OTOGL: variants seen among roughly 807,000 people sequenced by gnomAD.
The protein encoded by OTOGL is otogelin-like protein.
Under a neutral mutation model 318.5 loss-of-function variants are expected in OTOGL, and 285 were observed. The ratio of observed to expected loss-of-function variants is 0.89; its 90% CI spans 0.81 to 0.99. OTOGL has a LOEUF of 0.99. Among genes scored for constraint, OTOGL ranks in the 50% least tolerant of loss-of-function variants. The pLI is 0.00. For synonymous variants in OTOGL, 987 were observed against 936.5 expected, an observed-to-expected ratio of 1.05 and a Z score of -0.99; for missense variants, 2,899 against 2,845.6, an observed-to-expected ratio of 1.02 and a Z score of -0.43.
intron 24 of OTOGL, 79 bp from the exon 25 acceptor site, chr12:80,278,089 T>C (rs1883941809): frequency 2.7e-6 from 3 of 1,104,914 alleles, no homozygotes; most frequent in Admixed American, 2.0e-5. Context: ...ATGACAGTGT[T>C]AATATGCTAA....
At chr12:80,290,864 A>G (rs557969965) in intron 26 of OTOGL, among the ~76,000 whole-genome samples, 1 of 152,342 alleles carries the variant, frequency 6.6e-6, no homozygotes, top group East Asian at 1.9e-4. Flanking sequence ...TTTATACTCC[A>G]TATTAAGACA....
chr12:80,309,980 A>G (rs1480978072), intron 29 of OTOGL, among the ~76,000 whole-genome samples: 1 of 152,180 alleles, frequency 6.6e-6, no homozygotes, highest in Non-Finnish European at 1.5e-5. Context: ...GGAGAACGAG[A>G]TTAGGGAACA....
intron 1 of OTOGL, among the ~76,000 whole-genome samples, chr12:80,205,793 A>G (rs1253909114): frequency 6.6e-6 from 1 of 152,234 alleles, no homozygotes; most frequent in African/African-American, 2.4e-5. Flanking sequence ...TTGTCAATTG[A>G]TGAAAAATGA....
chr12:80,173,433 C>T (rs192739969), intron 1 of OTOGL, among the ~76,000 whole-genome samples: 60 of 152,038 alleles, frequency 3.9e-4, no homozygotes, highest in African/African-American at 1.4e-3. Flanking sequence ...TGTAAACTGC[C>T]GTGGTGGTGG....
At position 80,368,189 on chromosome 12, in the gene OTOGL, A is replaced by C; in HGVS notation, c.6511-16A>C. 6.5e-7 allele frequency: 1 copy of C among 1,530,390 alleles called. No individual in the cohort carries two copies. The highest frequency in any genetic ancestry group is 2.3e-5 in the East Asian group (1 of 43,604). 94.8% of individuals were successfully genotyped at this position (1,530,390 alleles called of 1,614,324 possible). On this transcript the variant is annotated splice_polypyrimidine_tract_variant and intron_variant, in intron 54 of 58. Coordinates refer to ENST00000547103, the MANE Select transcript of OTOGL (RefSeq NM_001378609.3). ...ATATTGATATGGTGTCGCTAATCTA[A>C]TATCATTATATGCAGCACCAGGTAT...
At chr12:80,332,265 T>C (rs113765387) in intron 37 of OTOGL, among the ~76,000 whole-genome samples, 1 of 152,224 alleles carries the variant, frequency 6.6e-6, no homozygotes, top group Non-Finnish European at 1.5e-5. Context: ...GGTGTTGTTT[T>C]AAGCCACTAA....
chr12:80,296,869 A>C lies in OTOGL; in HGVS notation c.2971A>C (p.Lys991Gln). 6.5e-7 allele frequency: 1 copy of C among 1,528,822 alleles called. No homozygotes were observed. The highest frequency in any genetic ancestry group is 8.8e-7 in the Non-Finnish European group (1 of 1,139,418). 94.7% of individuals were successfully genotyped at this position (1,528,822 alleles called of 1,614,324 possible). A position where few individuals can be genotyped will look rare whatever the true frequency, so the allele number is the denominator to read the frequency against. Residue 991 changes from lysine (K) to glutamine (Q), a missense_variant, in exon 27 of 59, where the codon AAA (lysine) becomes CAA (glutamine). By Grantham distance (53) the Lys-to-Gln change is moderately conservative. Around this residue, in one of 3 missense-constraint regions of OTOGL, gnomAD observed 2,607 missense variants for 2,524.9 expected, o/e 1.03. Coordinates refer to ENST00000547103, the MANE Select transcript of OTOGL (RefSeq NM_001378609.3). ...SDISVIAQNK[K>Q]CFDNDIVCSK... ...TATATCTGTCATTGCCCAGAACAAGAAATGCTTTGACAACGATATTGTTTG... is the reference window on the plus strand; with the variant it reads ...TATATCTGTCATTGCCCAGAACAAGCAATGCTTTGACAACGATATTGTTTG...
intron 1 of OTOGL, among the ~76,000 whole-genome samples, chr12:80,109,241 C>T (rs1047697624): frequency 1.3e-5 from 2 of 151,914 alleles, no homozygotes; most frequent in Non-Finnish European, 2.9e-5. Context: ...CTTCCAGGCC[C>T]TTGCTAAGGT....
At chr12:80,169,288 C>T (rs1265883142) in intron 1 of OTOGL, among the ~76,000 whole-genome samples, 1 of 152,108 alleles carries the variant, frequency 6.6e-6, no homozygotes, top group African/African-American at 2.4e-5. Context: ...CACAGTATGT[C>T]ATTCATTATG....
chr12:80,344,747 A>G (rs1889050837), intron 44 of OTOGL, among the ~76,000 whole-genome samples: 1 of 151,876 alleles, frequency 6.6e-6, no homozygotes, highest in Non-Finnish European at 1.5e-5. Context: ...TTTCTTCAGA[A>G]CTAGTTTTAG....
At chr12:80,295,042 C>A (rs1885289144) in intron 26 of OTOGL, among the ~76,000 whole-genome samples, 1 of 151,874 alleles carries the variant, frequency 6.6e-6, no homozygotes, top group East Asian at 1.9e-4. Flanking sequence ...GCTGCAGTGA[C>A]TCATGATCAT....
intron 1 of OTOGL, among the ~76,000 whole-genome samples, chr12:80,171,463 C>T (rs1466739478): frequency 2.0e-5 from 3 of 152,168 alleles, no homozygotes; most frequent in Non-Finnish European, 2.9e-5. Flanking sequence ...GCATTTGCAC[C>T]ATTGCCAAAT....
intron 1 of OTOGL, among the ~76,000 whole-genome samples, chr12:80,130,470 A>G (rs1871171355): frequency 1.3e-5 from 2 of 152,210 alleles, no homozygotes; most frequent in African/African-American, 2.4e-5. Flanking sequence ...TGAAGAATAT[A>G]AGAGGCTCTA....
intron 25 of OTOGL, 98 bp downstream of exon 25, chr12:80,278,373 TA>T: frequency 1.0e-6 from 1 of 987,992 alleles, no homozygotes. Context: ...CAGCAAAAAG[TA>T]AATCAAGCCT....
chr12:80,133,350 G>T (rs1049431520), intron 1 of OTOGL: 4 of 152,030 alleles, frequency 2.6e-5, no homozygotes, highest in Non-Finnish European at 5.9e-5. Context: ...AAATTTTTGA[G>T]ATATATATTA....
intron 1 of OTOGL, among the ~76,000 whole-genome samples, chr12:80,145,285 T>G (rs1323446749): frequency 1.3e-5 from 2 of 151,984 alleles, no homozygotes; most frequent in South Asian, 4.1e-4. Context: ...GGCTAGCCAG[T>G]TTTCCCAGCA....
rs756053252 is a variant in OTOGL at position 80,270,094 on chromosome 12, A to T, written c.2466-8A>T. 7 of 1,583,320 alleles carry T rather than the reference A, an allele frequency of 4.4e-6. No individual in the cohort carries two copies. The highest frequency in any genetic ancestry group is 6.0e-6 in the Non-Finnish European group (7 of 1,158,224). On this transcript the variant is annotated splice_region_variant and splice_polypyrimidine_tract_variant and intron_variant, in intron 22 of 58. Transcript: ENST00000547103. ...GGTTCCATAAATTAACTATTTATTTACTTCTAGCCAGTGTTCAAATGGGAC... is the reference window on the plus strand; with the variant it reads ...GGTTCCATAAATTAACTATTTATTTTCTTCTAGCCAGTGTTCAAATGGGAC...
intron 1 of OTOGL, among the ~76,000 whole-genome samples, chr12:80,200,901 A>G (rs750771303): frequency 2.6e-5 from 4 of 152,226 alleles, no homozygotes; most frequent in African/African-American, 4.8e-5. Flanking sequence ...TGAATGATCT[A>G]CATCACAGAG....
chr12:80,120,102 G>T lies in OTOGL; in HGVS notation c.-20+20497G>T, dbSNP rs111610854. On this transcript the variant is annotated intron_variant, in intron 1 of 58. Coordinates refer to ENST00000547103, the MANE Select transcript of OTOGL (RefSeq NM_001378609.3). ...TGGAGTAGCAGAGTTTGAATATGCT[G>T]GTTATCTTTGAGCTTGTGTCTTTAG... 3.0e-3 allele frequency among the ~76,000 whole-genome samples: 462 copies of T among 151,730 alleles called. 4 individuals carry two copies. The highest frequency in any genetic ancestry group is 0.01 in the African/African-American group (425 of 41,376).
Sources: allele counts gnomAD v4.1 joint callset (sites outside exome capture counted in the v4.1 genomes callset), GRCh38; gene constraint gnomAD v4.1.1; regional missense constraint gnomAD v4.1.1; transcripts MANE v1.5; gene names NCBI Gene and HGNC (gene_info 2026-07-23, HGNC 2026-07-21).